The following HMBOX1 variants were observed in gnomAD, a reference collection of about 807,000 sequenced individuals.
HMBOX1 encodes homeobox-containing protein 1.
In HMBOX1, 14 loss-of-function variants were observed where a neutral mutation model predicts 54.5. That is an observed-to-expected ratio of 0.26 (90% CI 0.17 to 0.40). HMBOX1 has a LOEUF of 0.40. Among genes scored for constraint, HMBOX1 ranks in the 10% least tolerant of loss-of-function variants. The pLI, the probability that HMBOX1 is intolerant of heterozygous loss-of-function variation, is 1.00. For missense variants in HMBOX1, 332 were observed against 514.4 expected (o/e 0.65, Z 3.43); for synonymous variants, 160 against 181.0 (o/e 0.88, Z 0.93).
At chr8:28,995,870 C>T (rs1302139136) in intron 4 of HMBOX1, among the ~76,000 whole-genome samples, 4 of 151,956 alleles carry the variant, frequency 2.6e-5, no homozygotes, top group African/African-American at 4.8e-5. Context: ...TGGAAGGCCG[C>T]GGCGGGTGGA....
chr8:28,947,634 C>G (rs1822708600), intron 1 of HMBOX1, among the ~76,000 whole-genome samples: 1 of 152,166 alleles, frequency 6.6e-6, no homozygotes, highest in South Asian at 2.1e-4. Flanking sequence ...CTACCGTTAG[C>G]AATTCATGCT....
chr8:28,923,389 A>G (rs1226939519), intron 1 of HMBOX1, among the ~76,000 whole-genome samples: 1 of 152,234 alleles, frequency 6.6e-6, no homozygotes, highest in Non-Finnish European at 1.5e-5. Context: ...TTTTGTGGAT[A>G]TGCCACATTT....
intron 1 of HMBOX1, among the ~76,000 whole-genome samples, chr8:28,915,384 C>G (rs552455548): frequency 6.6e-6 from 1 of 151,626 alleles, no homozygotes; most frequent in East Asian, 2.0e-4. Context: ...GGTGAAACCC[C>G]GTCTCTACTA....
chr8:28,977,910 C>T (rs1048138781), intron 3 of HMBOX1, among the ~76,000 whole-genome samples: 10 of 150,560 alleles, frequency 6.6e-5, no homozygotes, highest in Admixed American at 1.3e-4. Context: ...CGCTACTGCA[C>T]TCCAGCCTGG....
chr8:29,024,966 AC>A (rs576136353), intron 6 of HMBOX1, among the ~76,000 whole-genome samples: 1 of 149,894 alleles, frequency 6.7e-6, no homozygotes, highest in Admixed American at 6.7e-5. Context: ...CACCCTCCCT[AC>A]CCCCCACCCC....
At chr8:29,030,580 C>G (rs1405753853) in intron 6 of HMBOX1, among the ~76,000 whole-genome samples, 1 of 152,154 alleles carries the variant, frequency 6.6e-6, no homozygotes, top group East Asian at 1.9e-4. Context: ...AAATGTCCTT[C>G]AAGTTATTAA....
At chr8:29,023,211 T>TA (rs1469638588) in intron 6 of HMBOX1, among the ~76,000 whole-genome samples, 1 of 152,146 alleles carries the variant, frequency 6.6e-6, no homozygotes, top group Non-Finnish European at 1.5e-5. Flanking sequence ...AAGAGAAATA[T>TA]AAAATCAAAA....
rs775999759 is a variant in HMBOX1, at chr8:29,009,088, G to T, written c.603G>T (p.Arg201=). 6.2e-7 allele frequency: 1 copy of T among 1,613,010 alleles called. No homozygotes were observed. Among genetic ancestry groups the T allele is most frequent in the Admixed American group, 1.7e-5 (1 of 59,984 alleles). ...TCTACATAGGTATCAGTCAGAGCCG[G>T]ATCTCTCATTGGCTGTTGCAGCAGG... ...VAQVTGISQS[R]ISHWLLQQGS... is the part of the protein sequence containing the mutation. The change falls in exon 5 of 10, where the codon CGG becomes CGT. Residue 201 remains arginine (R), a synonymous_variant. Coordinates refer to ENST00000287701, the MANE Select transcript of HMBOX1 (RefSeq NM_001135726.3).
intron 2 of HMBOX1, among the ~76,000 whole-genome samples, chr8:28,968,965 G>A (rs1475203061): frequency 6.6e-6 from 1 of 152,144 alleles, no homozygotes; most frequent in African/African-American, 2.4e-5. Flanking sequence ...CCTGAGGTCA[G>A]GAGTTTGAGA....
chr8:29,013,616 C>T (rs985250720), intron 5 of HMBOX1, among the ~76,000 whole-genome samples: 5 of 152,174 alleles, frequency 3.3e-5, no homozygotes, highest in Admixed American at 6.5e-5. Flanking sequence ...TCAGAATTTA[C>T]CAGCATAAAT....
chr8:29,026,761 A>G (rs1802111704), intron 6 of HMBOX1, among the ~76,000 whole-genome samples: 1 of 152,224 alleles, frequency 6.6e-6, no homozygotes, highest in Non-Finnish European at 1.5e-5. Flanking sequence ...TTATTAACTA[A>G]GAAGAATGTT....
chr8:29,046,046 A>G (rs543887923), intron 7 of HMBOX1, among the ~76,000 whole-genome samples: 4 of 152,254 alleles, frequency 2.6e-5, no homozygotes, highest in Non-Finnish European at 4.4e-5. Context: ...TTCACATTTT[A>G]CAGATTTTGT....
intron 1 of HMBOX1, among the ~76,000 whole-genome samples, chr8:28,892,345 C>T (rs2131466785): frequency 6.6e-6 from 1 of 152,164 alleles, no homozygotes; most frequent in Non-Finnish European, 1.5e-5. Flanking sequence ...GAAAGGATTG[C>T]AACATCTCTT....
intron 5 of HMBOX1, among the ~76,000 whole-genome samples, chr8:29,014,372 A>C (rs1056500883): frequency 7.2e-5 from 11 of 152,146 alleles, no homozygotes. Context: ...TAAAGGCTTA[A>C]ATACATTGTT....
intron 6 of HMBOX1, among the ~76,000 whole-genome samples, chr8:29,029,094 TA>T (rs1224506602): frequency 6.6e-6 from 1 of 152,130 alleles, no homozygotes; most frequent in African/African-American, 2.4e-5. Context: ...TTCCGCCTAT[TA>T]AAAAAACACT....
chr8:28,940,923 T>A (rs542772710), intron 1 of HMBOX1, among the ~76,000 whole-genome samples: 1 of 152,348 alleles, frequency 6.6e-6, no homozygotes, highest in East Asian at 1.9e-4. Flanking sequence ...TACTAATACA[T>A]GGATCATGTT....
chr8:28,982,101 C>T (rs972887767), intron 4 of HMBOX1, among the ~76,000 whole-genome samples: 6 of 152,062 alleles, frequency 3.9e-5, no homozygotes, highest in African/African-American at 1.4e-4. Context: ...GGCGTGGTGG[C>T]GGGCGCCTGT....
At chr8:28,977,953 A>G (rs1039275990) in intron 3 of HMBOX1, among the ~76,000 whole-genome samples, 1 of 151,996 alleles carries the variant, frequency 6.6e-6, no homozygotes, top group African/African-American at 2.4e-5. Flanking sequence ...CCAAAAAAAA[A>G]AAAAAGAAAG....
chr8:28,903,708 A>G (rs1813696430), intron 1 of HMBOX1, among the ~76,000 whole-genome samples: 2 of 152,246 alleles, frequency 1.3e-5, no homozygotes, highest in South Asian at 2.1e-4. Context: ...CTTAACTTGA[A>G]CTAGGAGTTG....
Sources: gnomAD v4.1 joint callset for allele counts (sites outside exome capture counted in the v4.1 genomes callset) on GRCh38, gnomAD v4.1.1 for gene constraint, MANE v1.5 for transcripts, NCBI Gene and HGNC (gene_info 2026-07-23, HGNC 2026-07-21) for gene names.